CRTC3: variants seen among roughly 807,000 people sequenced by gnomAD.
CRTC3 encodes CREB-regulated transcription coactivator 3.
Under a neutral mutation model 74.5 loss-of-function variants are expected in CRTC3, and 26 were observed. That is an observed-to-expected ratio of 0.35 (90% confidence interval 0.26 to 0.48). The LOEUF (loss-of-function observed/expected upper bound fraction) is 0.48, where lower values mean the gene tolerates loss of function less well. Among genes scored for constraint, CRTC3 ranks in the 20% least tolerant of loss-of-function variants. CRTC3 has a pLI of 0.99. For synonymous variants in CRTC3, 377 were observed against 325.8 expected (o/e 1.16, Z -1.69); for missense variants, 760 against 787.3 (o/e 0.97, Z 0.41).
intron 9 of CRTC3, among the ~76,000 whole-genome samples, chr15:90,621,449 A>G (rs1968650524): frequency 6.6e-6 from 1 of 152,084 alleles, no homozygotes; most frequent in South Asian, 2.1e-4. Context: ...CAGCCTCCCA[A>G]GTAGCTGGAA....
At chr15:90,556,960 A>C (rs544165400) in intron 2 of CRTC3, among the ~76,000 whole-genome samples, 13 of 7,692 alleles carry the variant, frequency 1.7e-3, no homozygotes, top group Non-Finnish European at 3.7e-3. Flanking sequence ...CCACATGGCT[A>C]TATATATATA....
chr15:90,595,294 T>C (rs1351661251), intron 3 of CRTC3: 1 of 152,192 alleles, frequency 6.6e-6, no homozygotes, highest in Non-Finnish European at 1.5e-5. Context: ...TTTTTTTGGC[T>C]GGGCATGGTG....
In CRTC3 at chr15:90,583,250, C is replaced by G. The variant is rs1482626108; in HGVS notation, c.232-10386C>G. 2.6e-5 allele frequency among the ~76,000 whole-genome samples: 4 copies of G among 152,270 alleles called. No individual in the cohort carries two copies. In the Middle Eastern group the frequency reaches 0.01, roughly 388 times the overall value. On this transcript the variant is annotated intron_variant, in intron 2 of 14. Coordinates refer to ENST00000268184, the MANE Select transcript of CRTC3 (RefSeq NM_022769.5). ...CAAAACAACCCCAAAACTGTTTTAT[C>G]TCTATCATTTTCTGGAGTCACCTTT... is the stretch of plus-strand genomic sequence containing the variant.
At chr15:90,561,611 A>G (rs934864757) in intron 2 of CRTC3, among the ~76,000 whole-genome samples, 4 of 152,184 alleles carry the variant, frequency 2.6e-5, no homozygotes, top group Non-Finnish European at 5.9e-5. Flanking sequence ...GTTAAATTCA[A>G]TCATATTAGT....
chr15:90,602,869 G>A (rs1215765105), intron 4 of CRTC3, among the ~76,000 whole-genome samples: 1 of 152,058 alleles, frequency 6.6e-6, no homozygotes, highest in African/African-American at 2.4e-5. Context: ...AGCTACTTGG[G>A]AGGCTGAAGC....
rs186092536 is a variant in CRTC3 at position 90,551,635 on chromosome 15, C to G, written c.231+11498C>G. Among the ~76,000 whole-genome samples, 283 of 152,202 alleles carry G rather than the reference C, an allele frequency of 1.9e-3. 1 individual carries two copies. The highest frequency in any genetic ancestry group is 6.5e-3 in the African/African-American group (268 of 41,518). ...GCACCGGATTAAGTCCTCACCTTCCCTTAAGAGCCCAGGGCTTTAAGGTGA... is the reference window on the plus strand; with the variant it reads ...GCACCGGATTAAGTCCTCACCTTCCGTTAAGAGCCCAGGGCTTTAAGGTGA... On this transcript the variant is annotated intron_variant, in intron 2 of 14. Transcript: ENST00000268184.
chr15:90,641,326 G>C (rs917064058), intron 14 of CRTC3, 127 bp downstream of exon 14: 3 of 665,042 alleles, frequency 4.5e-6, no homozygotes, highest in South Asian at 1.8e-5. Context: ...GGGTCGACTT[G>C]ACTTTTTGAG....
Position 90,530,056 on chromosome 15 carries a change from G to A in CRTC3, c.-16G>A. 1 of 1,412,278 alleles carries A rather than the reference G, an allele frequency of 7.1e-7. No homozygotes were observed. Among genetic ancestry groups the A allele is most frequent in the Non-Finnish European group, 9.4e-7 (1 of 1,066,980 alleles). 87.5% of individuals were successfully genotyped at this position (1,412,278 alleles called of 1,614,324 possible). ...CGGCCGCCGTCTCCCGCTTCTGCCC[G>A]CGCAGAGTCCGCGCCATGGCCGCCT... On this transcript the variant is annotated 5_prime_UTR_variant, in exon 1 of 15. Transcript: ENST00000268184. The surrounding 1 kb of genome is among the most constrained non-coding windows in gnomAD (Gnocchi z 6.2).
At chr15:90,624,130 C>T (rs1418979935) in intron 9 of CRTC3, among the ~76,000 whole-genome samples, 1 of 152,078 alleles carries the variant, frequency 6.6e-6, no homozygotes, top group Non-Finnish European at 1.5e-5. Context: ...GTGGCTGGCC[C>T]CTGGGAGGTG....
intron 9 of CRTC3, among the ~76,000 whole-genome samples, chr15:90,623,795 A>T (rs1968732751): frequency 6.6e-6 from 1 of 151,932 alleles, no homozygotes; most frequent in Non-Finnish European, 1.5e-5. Context: ...CTGCTTTTCC[A>T]CTTCCATCTC....
chr15:90,555,512 C>G (rs532085485), intron 2 of CRTC3, among the ~76,000 whole-genome samples: 1 of 151,956 alleles, frequency 6.6e-6, no homozygotes, highest in South Asian at 2.1e-4. Context: ...TTTCTTTTTT[C>G]TTTTTCTTTT....
chr15:90,547,799 CTGAA>C (rs1203694191), intron 2 of CRTC3, among the ~76,000 whole-genome samples: 2 of 151,824 alleles, frequency 1.3e-5, no homozygotes, highest in Non-Finnish European at 1.5e-5. Context: ...CACATGTTGA[CTGAA>C]TGGCTTGTCA....
intron 9 of CRTC3, chr15:90,624,884 C>G (rs1047508486): frequency 6.5e-6 from 1 of 152,728 alleles, no homozygotes; most frequent in Non-Finnish European, 1.5e-5. Context: ...AGGGTGTGGA[C>G]AGAGTTTGGC....
chr15:90,574,345 G>C lies in CRTC3; in HGVS notation c.232-19291G>C, dbSNP rs1435389425. On this transcript the variant is annotated intron_variant, in intron 2 of 14. Coordinates refer to ENST00000268184, the MANE Select transcript of CRTC3 (RefSeq NM_022769.5). ...TACAAAAAATTAGCTGGGTGTGGTG[G>C]TGCGCACCTGTAGTCCCAGCTACTC... Among the ~76,000 whole-genome samples the C allele has an allele frequency of 2.0e-5, 3 of 152,034 alleles. No individual in the cohort carries two copies. In the South Asian group the frequency reaches 6.2e-4, roughly 32 times the overall value.
At chr15:90,567,285 A>G (rs749430282) in intron 2 of CRTC3, among the ~76,000 whole-genome samples, 2 of 152,142 alleles carry the variant, frequency 1.3e-5, no homozygotes, top group Non-Finnish European at 2.9e-5. Context: ...TTTACTGTAC[A>G]TTTTAAGCCC....
chr15:90,639,804 T>G (rs1315595306), intron 13 of CRTC3, among the ~76,000 whole-genome samples: 1 of 149,754 alleles, frequency 6.7e-6, no homozygotes, highest in Non-Finnish European at 1.5e-5. Context: ...TCCCAGCAGT[T>G]TGGGAGGCCG....
intron 2 of CRTC3, among the ~76,000 whole-genome samples, chr15:90,554,552 T>G (rs1281915530): frequency 6.6e-6 from 1 of 152,218 alleles, no homozygotes; most frequent in East Asian, 1.9e-4. Flanking sequence ...TCCACTGCTG[T>G]AATTCCTTCT....
chr15:90,531,904 C>T (rs1966633496), intron 1 of CRTC3, among the ~76,000 whole-genome samples: 1 of 152,106 alleles, frequency 6.6e-6, no homozygotes, highest in Admixed American at 6.5e-5. Context: ...AATGTACAGA[C>T]TCTCTTTTAA....
chr15:90,585,687 A>C (rs1197932783), intron 2 of CRTC3, among the ~76,000 whole-genome samples: 5 of 152,338 alleles, frequency 3.3e-5, no homozygotes, highest in Non-Finnish European at 7.4e-5. Flanking sequence ...CATCTGTAGA[A>C]GGAAAGAGCA....
Sources: gnomAD v4.1 joint callset for allele counts (sites outside exome capture counted in the v4.1 genomes callset) on GRCh38, gnomAD v4.1.1 for gene constraint, Gnocchi (gnomAD v3.1) non-coding constraint, MANE v1.5 for transcripts, NCBI Gene and HGNC (gene_info 2026-07-23, HGNC 2026-07-21) for gene names.